Variants in CCDC7 observed in about 807,000 individuals in gnomAD.
CCDC7 encodes the protein coiled-coil domain containing 7, also known as coiled-coil domain-containing protein 7.
In CCDC7, 183 loss-of-function variants were observed where a neutral mutation model predicts 196.9. The observed-to-expected ratio is 0.93, with a 90% CI of 0.82 to 1.05. The LOEUF (loss-of-function observed/expected upper bound fraction) is 1.05, where lower values mean the gene tolerates loss of function less well. Among genes scored for constraint, CCDC7 ranks in the 50% least tolerant of loss-of-function variants. CCDC7 has a pLI of 0.00. For synonymous variants in CCDC7, 525 were observed against 484.6 expected (o/e 1.08, Z -1.10); for missense variants, 1,540 against 1,482.2 (o/e 1.04, Z -0.64).
At chr10:32,760,949 G>A (rs2077370591) in intron 28 of CCDC7, among the ~76,000 whole-genome samples, 1 of 151,666 alleles carries the variant, frequency 6.6e-6, no homozygotes, top group African/African-American at 2.4e-5. Context: ...TATGAGAGAA[G>A]ACCCCAAATT....
At chr10:32,782,016 TAGTG>T (rs2081138378) in intron 29 of CCDC7, among the ~76,000 whole-genome samples, 1 of 152,188 alleles carries the variant, frequency 6.6e-6, no homozygotes, top group Non-Finnish European at 1.5e-5. Context: ...TATGCACTGG[TAGTG>T]AGCTATCTGA....
At chr10:32,564,149 C>G (rs1456808575) in intron 13 of CCDC7, among the ~76,000 whole-genome samples, 1 of 152,134 alleles carries the variant, frequency 6.6e-6, no homozygotes, top group Non-Finnish European at 1.5e-5. Context: ...AGTCAGGAAA[C>G]AACAGGTGCT....
intron 5 of CCDC7, among the ~76,000 whole-genome samples, chr10:32,465,295 T>G (rs12777725): frequency 1.3e-5 from 2 of 152,162 alleles, no homozygotes; most frequent in Non-Finnish European, 2.9e-5. Flanking sequence ...CAGAGCCACA[T>G]TTATTTTTAT....
At chr10:32,734,871 C>T (rs2084596070) in intron 28 of CCDC7, among the ~76,000 whole-genome samples, 1 of 151,820 alleles carries the variant, frequency 6.6e-6, no homozygotes, top group African/African-American at 2.4e-5. Context: ...GCGCTCCAGC[C>T]TGGGTGACAG....
chr10:32,830,143 C>CATATATATATATATA (rs2091996967), intron 32 of CCDC7, among the ~76,000 whole-genome samples: 1 of 22,396 alleles, frequency 4.5e-5, no homozygotes, highest in African/African-American at 9.8e-5. Context: ...TATATATATC[C>CATATATATATATATA]TATTAGTTCT....
chr10:32,796,232 T>A (rs145600081), intron 29 of CCDC7, among the ~76,000 whole-genome samples: 1 of 152,272 alleles, frequency 6.6e-6, no homozygotes, highest in East Asian at 1.9e-4. Context: ...ATATTGCTGG[T>A]CATAATATTG....
chr10:32,596,697 A>G lies in CCDC7; in HGVS notation c.1801+12393A>G, dbSNP rs1489048109. Among the ~76,000 whole-genome samples, 6 of 152,130 alleles carry G rather than the reference A, an allele frequency of 3.9e-5. No individual in the cohort carries two copies. In the South Asian group the frequency reaches 8.3e-4, roughly 21 times the overall value. On this transcript the variant is annotated intron_variant, in intron 18 of 41. Transcript: ENST00000639629. ...CCTTTCCATGTTTAGTGCTTCCTTC[A>G]GGAGCTCTTGTAAGGCAGGCGTTGT...
chr10:32,454,178 T>C (rs1338523377), intron 2 of CCDC7, among the ~76,000 whole-genome samples: 1 of 152,164 alleles, frequency 6.6e-6, no homozygotes, highest in Non-Finnish European at 1.5e-5. Flanking sequence ...AGTGTTTGTC[T>C]TGAGCTAAGG....
intron 13 of CCDC7, among the ~76,000 whole-genome samples, chr10:32,565,234 G>T (rs2056588077): frequency 6.6e-6 from 1 of 152,178 alleles, no homozygotes; most frequent in Non-Finnish European, 1.5e-5. Flanking sequence ...TGTTTATTTT[G>T]TGTTAAGAGT....
At chr10:32,633,682 G>GTGTATATA (rs1554927922) in intron 18 of CCDC7, among the ~76,000 whole-genome samples, 1 of 121,700 alleles carries the variant, frequency 8.2e-6, no homozygotes, top group African/African-American at 2.9e-5. Flanking sequence ...TTAGCTTTGT[G>GTGTATATA]TATATATATA....
At chr10:32,518,101 G>C in intron 10 of CCDC7, 126 bp downstream of exon 11, 1 of 1,208,448 alleles carries the variant, frequency 8.3e-7, no homozygotes, top group Non-Finnish European at 1.1e-6. Flanking sequence ...TAAGAGATTT[G>C]TATGCATATG....
chr10:32,741,461 T>C (rs1168199073), intron 28 of CCDC7, among the ~76,000 whole-genome samples: 1 of 152,164 alleles, frequency 6.6e-6, no homozygotes, highest in Non-Finnish European at 1.5e-5. Context: ...TTCATACACA[T>C]ATGCCAAAAT....
intron 32 of CCDC7, among the ~76,000 whole-genome samples, chr10:32,833,644 T>TTTG (rs909907748): frequency 5.3e-5 from 8 of 152,048 alleles, no homozygotes; most frequent in African/African-American, 1.7e-4. Context: ...TCCCCAGGTT[T>TTTG]TTGTTGTTGT....
At chr10:32,634,654 C>CA (rs1355467867) in intron 19 of CCDC7, among the ~76,000 whole-genome samples, 1 of 152,178 alleles carries the variant, frequency 6.6e-6, no homozygotes, top group Non-Finnish European at 1.5e-5. Context: ...CTTGGCCTCC[C>CA]AAAGTGCTGG....
intron 8 of CCDC7, 78 bp downstream of exon 9, chr10:32,474,101 G>A: frequency 1.4e-6 from 2 of 1,451,734 alleles, no homozygotes; most frequent in Non-Finnish European, 9.3e-7. Flanking sequence ...TAATTATTAG[G>A]TTAACAGTGC....
At chr10:32,661,815 G>C (rs1448087829) in intron 20 of CCDC7, among the ~76,000 whole-genome samples, 1 of 152,134 alleles carries the variant, frequency 6.6e-6, no homozygotes, top group Non-Finnish European at 1.5e-5. Flanking sequence ...CTTTTTTGGA[G>C]CTGTGAGTTG....
At chr10:32,566,860 A>C (rs1231599724) in intron 14 of CCDC7, among the ~76,000 whole-genome samples, 1 of 145,308 alleles carries the variant, frequency 6.9e-6, no homozygotes, top group Non-Finnish European at 1.5e-5. Flanking sequence ...TTGCAAAAAA[A>C]CCCCGCAGAT....
At chr10:32,515,565 G>A (rs17584974) in intron 9 of CCDC7, among the ~76,000 whole-genome samples, 1 of 151,884 alleles carries the variant, frequency 6.6e-6, no homozygotes, top group Non-Finnish European at 1.5e-5. Flanking sequence ...TTTTTTTGAG[G>A]TGAAGTCTCG....
intron 18 of CCDC7, chr10:32,623,819 T>C (rs1264645018): frequency 1.5e-5 from 7 of 469,582 alleles, no homozygotes; most frequent in African/African-American, 1.0e-4. Context: ...TGTCACACGG[T>C]GAGTGTGGGA....
Sources: gnomAD v4.1 joint callset for allele counts (sites outside exome capture counted in the v4.1 genomes callset) on GRCh38, gnomAD v4.1.1 for gene constraint, MANE v1.5 for transcripts, NCBI Gene and HGNC (gene_info 2026-07-23, HGNC 2026-07-21) for gene names.